Variants in ABCB11 observed in about 807,000 individuals in gnomAD.
ABCB11 encodes ATP binding cassette subfamily B member 11, also known as bile salt export pump.
ABCB11 carries 95 observed loss-of-function variants against 148.0 expected under a neutral mutation model. The observed-to-expected ratio is 0.64, with a 90% CI of 0.54 to 0.76. The LOEUF (loss-of-function observed/expected upper bound fraction) is 0.76. Ranked by LOEUF, ABCB11 falls within the 30% of genes least tolerant of loss-of-function variation. The pLI, the probability that ABCB11 is intolerant of heterozygous loss-of-function variation, is 0.00. For missense variants in ABCB11, 1,523 were observed against 1,617.8 expected (o/e 0.94, Z 1.01); for synonymous variants, 591 against 555.4 (o/e 1.06, Z -0.90).
chr2:168,938,597 A>G (rs1691929344), intron 21 of ABCB11, among the ~76,000 whole-genome samples: 1 of 152,144 alleles, frequency 6.6e-6, no homozygotes, highest in East Asian at 1.9e-4. Context: ...CTAGAGATGA[A>G]TAGTGGTGAT....
At chr2:168,924,829 G>C in intron 26 of ABCB11, 26 bp from the exon 27 acceptor site, 1 of 1,604,864 alleles carries the variant, frequency 6.2e-7, no homozygotes, top group Non-Finnish European at 8.5e-7. Context: ...ATAAGTTTGA[G>C]AAATAGAAAC....
chr2:168,977,019 T>A lies in ABCB11; in HGVS notation c.1198-332A>T, dbSNP rs1298199621. 2.0e-5 allele frequency among the ~76,000 whole-genome samples: 3 copies of A among 148,776 alleles called. No homozygotes were observed. The Admixed American group carries it at 2.0e-4, about 10-fold the overall frequency. On this transcript the variant is annotated intron_variant, in intron 11 of 27. Coordinates refer to ENST00000650372, the MANE Select transcript of ABCB11 (RefSeq NM_003742.4). Reference sequence around the variant, plus strand: ...ACTGAGATATTATATATTAACATAATACATATTTAATTAATTTATTTAATT... The same window carrying A: ...ACTGAGATATTATATATTAACATAAAACATATTTAATTAATTTATTTAATT...
chr2:168,937,650 T>C (rs1691889649), intron 21 of ABCB11, among the ~76,000 whole-genome samples: 1 of 152,248 alleles, frequency 6.6e-6, no homozygotes, highest in African/African-American at 2.4e-5. Context: ...TATCCAGCCA[T>C]TGGGCTTGAG....
intron 15 of ABCB11, 128 bp from the exon 16 acceptor site, chr2:168,969,679 G>T: frequency 1.2e-6 from 1 of 851,814 alleles, no homozygotes; most frequent in Non-Finnish European, 1.8e-6. Flanking sequence ...AATAGGCTGT[G>T]CAGACATTAG....
intron 12 of ABCB11, among the ~76,000 whole-genome samples, chr2:168,975,593 A>T (rs1458542688): frequency 2.5e-5 from 2 of 79,942 alleles, no homozygotes; most frequent in African/African-American, 5.0e-5. Context: ...ATAAATACAT[A>T]AATATTTTTA....
At chr2:168,948,943 A>T (rs1189422452) in intron 19 of ABCB11, among the ~76,000 whole-genome samples, 1 of 151,454 alleles carries the variant, frequency 6.6e-6, no homozygotes, top group Non-Finnish European at 1.5e-5. Context: ...CGGTCAGGAG[A>T]GGTGATGTGA....
chr2:168,997,801 A>C (rs1694761068), intron 5 of ABCB11, among the ~76,000 whole-genome samples: 1 of 151,972 alleles, frequency 6.6e-6, no homozygotes, highest in Non-Finnish European at 1.5e-5. Context: ...TATTGAATAT[A>C]TTTATATTGA....
At chr2:168,957,442 G>T (rs936928042) in intron 19 of ABCB11, among the ~76,000 whole-genome samples, 1 of 151,622 alleles carries the variant, frequency 6.6e-6, no homozygotes, top group African/African-American at 2.4e-5. Flanking sequence ...GTGAAAAATT[G>T]GAATAAGCTT....
chr2:168,932,554 A>C, intron 23 of ABCB11, 21 bp from the exon 24 acceptor site: 1 of 1,611,508 alleles, frequency 6.2e-7, no homozygotes, highest in Non-Finnish European at 8.5e-7. Flanking sequence ...ACAGACACAC[A>C]GGAAGAGAGC....
At position 169,013,376 on chromosome 2, in the gene ABCB11, A is replaced by G. The variant is rs774481968; in HGVS notation, c.285T>C (p.Val95=). The part of the protein sequence containing the change: ...TMTDVFIDYD[V]ELQELQIPGK... ...CTGGAATCTGGAGTTCTTGTAACTC[A>G]ACGTCGTAGTCAATAAAAACATCTG... Residue 95 remains valine (V), a synonymous_variant, in exon 5 of 28, where the codon GTT becomes GTC. Coordinates refer to ENST00000650372, the MANE Select transcript of ABCB11 (RefSeq NM_003742.4). The G allele has an allele frequency of 1.2e-6, 2 of 1,613,884 alleles. No individual in the cohort carries two copies. The highest frequency in any genetic ancestry group is 2.2e-5 in the South Asian group (2 of 91,078).
At chr2:168,923,972 T>G (rs1205333320) in intron 27 of ABCB11, 150 bp from the exon 28 acceptor site, 111 of 711,208 alleles carry the variant, frequency 1.6e-4, no homozygotes, top group Non-Finnish European at 1.7e-4. Context: ...AAGCAAGTAT[T>G]CCCTGAATGC....
rs1166356679 is a variant in ABCB11, at chr2:169,029,724, C to CTTTTTTTTTT, written c.-28+1491_-28+1500dup. On this transcript the variant is annotated intron_variant, in intron 1 of 27. Transcript: ENST00000650372. ...GTCTCTAAATGTACAGTTCTTTCCT[C>CTTTTTTTTTT]TTTTTTTTTTTTTTTTTTTTTTTTT... is the stretch of plus-strand genomic sequence containing the variant. Among the ~76,000 whole-genome samples, 99 of 88,296 alleles carry CTTTTTTTTTT rather than the reference C, an allele frequency of 1.1e-3. 13 individuals carry two copies. Among genetic ancestry groups the CTTTTTTTTTT allele is most frequent in the Middle Eastern group, 6.2e-3 (1 of 162 alleles). 57.9% of individuals were successfully genotyped at this position (88,296 alleles called of 152,430 possible). A position where few individuals can be genotyped will look rare whatever the true frequency, so the allele number is the denominator to read the frequency against.
At chr2:168,992,343 T>G (rs1694556262) in intron 8 of ABCB11, among the ~76,000 whole-genome samples, 1 of 152,060 alleles carries the variant, frequency 6.6e-6, no homozygotes, top group Non-Finnish European at 1.5e-5. Context: ...TGTTGAAATG[T>G]GGCCTATGAT....
intron 19 of ABCB11, among the ~76,000 whole-genome samples, chr2:168,953,452 CTT>C (rs35351007): frequency 3.5e-5 from 5 of 142,658 alleles, no homozygotes; most frequent in South Asian, 2.2e-4. Flanking sequence ...ATTATCTTGT[CTT>C]TTTTTTTTTT....
In ABCB11 at chr2:168,932,390, G is replaced by T; in HGVS notation, c.3200C>A (p.Ala1067Glu). 1 of 1,562,362 alleles carries T rather than the reference G, an allele frequency of 6.4e-7. No individual in the cohort carries two copies. The change falls in exon 24 of 28, where the codon GCA (alanine) becomes GAA (glutamate). Residue 1067 changes from alanine to glutamate, a missense_variant. Coordinates refer to ENST00000650372, the MANE Select transcript of ABCB11 (RefSeq NM_003742.4). ...TCCAACACTTACCCATTTTTCACCT[G>T]CAGTATTGTATACACTGATTGGGGG... ...RQPPISVYNT[A>E]GEKWDNFQGK...
At position 168,964,297 on chromosome 2, in the gene ABCB11, C is replaced by T. The variant is rs141862495; in HGVS notation, c.2087G>A (p.Arg696Gln). ...SYQDSLRASI[R>Q]QRSKSQLSYL... ...AGAAAGCTGAGACTTGGAGCGTTGC[C>T]GGATGGAAGCCCTGTAAATAAACAG... The change falls in exon 18 of 28, where the codon CGG (arginine) becomes CAG (glutamine). Residue 696 changes from arginine to glutamine, a missense_variant. Transcript: ENST00000650372. 182 of 1,563,022 alleles carry T rather than the reference C, an allele frequency of 1.2e-4. No individual in the cohort carries two copies. The highest frequency in any genetic ancestry group is 1.0e-3 in the African/African-American group (76 of 73,794).
At chr2:169,000,576 A>G (rs1410490641) in intron 5 of ABCB11, among the ~76,000 whole-genome samples, 2 of 152,056 alleles carry the variant, frequency 1.3e-5, no homozygotes, top group African/African-American at 4.8e-5. Context: ...TCAAAAATCA[A>G]TTGGACATAT....
At chr2:168,964,370 G>T in intron 17 of ABCB11, 62 bp from the exon 18 acceptor site, 2 of 1,290,504 alleles carry the variant, frequency 1.5e-6, no homozygotes, top group South Asian at 1.3e-5. Context: ...AGGATCAACT[G>T]GTGTCCAAGT....
intron 18 of ABCB11, 30 bp from the exon 19 acceptor site, chr2:168,958,158 TCTAAATGTA>T (rs779884985): frequency 6.3e-7 from 1 of 1,597,434 alleles, no homozygotes; most frequent in East Asian, 2.2e-5. Flanking sequence ...ATATTAATCA[TCTAAATGTA>T]CTCAAGACAT....
Sources: gnomAD v4.1 joint callset for allele counts (sites outside exome capture counted in the v4.1 genomes callset) on GRCh38, gnomAD v4.1.1 for gene constraint, MANE v1.5 for transcripts, NCBI Gene and HGNC (gene_info 2026-07-23, HGNC 2026-07-21) for gene names.